ANKRD36: variants seen among roughly 807,000 people sequenced by gnomAD.
The protein encoded by ANKRD36 is ankyrin repeat domain 36.
ANKRD36 carries 179 observed loss-of-function variants against 278.1 expected under a neutral mutation model. The ratio of observed to expected loss-of-function variants is 0.64; its 90% CI spans 0.57 to 0.73. The LOEUF (loss-of-function observed/expected upper bound fraction) is 0.73. ANKRD36 is among the 30% of genes least tolerant of loss of function. ANKRD36 has a pLI of 0.00. For missense variants in ANKRD36, 1,159 were observed against 1,956.7 expected, an observed-to-expected ratio of 0.59 and a Z score of 7.69; for synonymous variants, 320 against 641.1, an observed-to-expected ratio of 0.50 and a Z score of 7.57.
chr2:97,113,708 C>T lies in ANKRD36; in HGVS notation c.-32C>T, dbSNP rs765498151. On this transcript the variant is annotated 5_prime_UTR_variant, in exon 1 of 76. It adds an upstream start codon to the 5' untranslated region. Transcript: ENST00000420699. ...CGATCCCCGAAGGCGAGCTGAAATA[C>T]GGCTGCAGGCTACAATTTGCAGCCG... 3.7e-6 allele frequency: 6 copies of T among 1,610,456 alleles called. No homozygotes were observed. The highest frequency in any genetic ancestry group is 3.3e-4 in the Middle Eastern group (2 of 6,056).
In ANKRD36 at chr2:97,229,668, G is replaced by C. The variant is rs374340171; in HGVS notation, c.3952-4062G>C. ...AGTTAATATTGTTATGTCTGAAATT[G>C]ATCCTGGCATTATGATGTTAGCTAG... is the stretch of plus-strand genomic sequence containing the variant. On this transcript the variant is annotated intron_variant, in intron 67 of 75. Transcript: ENST00000420699. 5.6e-4 allele frequency among the ~76,000 whole-genome samples: 85 copies of C among 152,102 alleles called. 4 individuals carry two copies. The South Asian group carries it at 0.017, about 30-fold the overall frequency.
At chr2:97,182,998 G>C (rs1263813470) in intron 26 of ANKRD36, among the ~76,000 whole-genome samples, 1 of 151,578 alleles carries the variant, frequency 6.6e-6, no homozygotes, top group Non-Finnish European at 1.5e-5. Context: ...TTGTCATTGT[G>C]TACCTCCTCA....
chr2:97,151,321 T>C (rs1052101519), intron 12 of ANKRD36, among the ~76,000 whole-genome samples: 4 of 151,450 alleles, frequency 2.6e-5, no homozygotes, highest in African/African-American at 9.7e-5. Context: ...TGATTGCTTT[T>C]TTCTGTCTTT....
intron 20 of ANKRD36, among the ~76,000 whole-genome samples, chr2:97,165,031 G>A (rs545720412): frequency 2.6e-5 from 4 of 152,208 alleles, no homozygotes; most frequent in Admixed American, 1.3e-4. Flanking sequence ...CAATGATTCT[G>A]AGCTGTTTTG....
chr2:97,124,271 T>C (rs966489280), intron 4 of ANKRD36, among the ~76,000 whole-genome samples, 189 bp from the exon 5 acceptor site: 8 of 152,036 alleles, frequency 5.3e-5, no homozygotes, highest in African/African-American at 1.7e-4. Flanking sequence ...AGGCTTCCTT[T>C]TTGTTCCTTG....
chr2:97,117,250 T>A (rs947697286), intron 1 of ANKRD36, among the ~76,000 whole-genome samples: 1 of 151,358 alleles, frequency 6.6e-6, no homozygotes, highest in Admixed American at 6.6e-5. Flanking sequence ...TTTGGATTAT[T>A]TTTTTTTTTA....
chr2:97,128,876 T>G (rs2039317319), intron 6 of ANKRD36, among the ~76,000 whole-genome samples: 1 of 152,124 alleles, frequency 6.6e-6, no homozygotes, highest in African/African-American at 2.4e-5. Flanking sequence ...CAACATGGAA[T>G]CATAACACAG....
intron 38 of ANKRD36, among the ~76,000 whole-genome samples, chr2:97,194,437 C>T (rs1040027279): frequency 1.3e-5 from 2 of 151,574 alleles, no homozygotes; most frequent in Non-Finnish European, 2.9e-5. Flanking sequence ...TCACATTTGT[C>T]CTCATCACTC....
rs371222811 is a variant in ANKRD36 at position 97,207,560 on chromosome 2, T to C, written c.3164-251T>C. Reference sequence around the variant, plus strand: ...CATATCCACGTTGATATTGACACGGTTTTATTTTAGTTTTTCACATATGAC... The same window carrying C: ...CATATCCACGTTGATATTGACACGGCTTTATTTTAGTTTTTCACATATGAC... On this transcript the variant is annotated intron_variant, in intron 52 of 75. Coordinates refer to ENST00000420699, the MANE Select transcript of ANKRD36 (RefSeq NM_001354587.1). 7.1e-4 allele frequency among the ~76,000 whole-genome samples: 108 copies of C among 151,570 alleles called. No homozygotes were observed. In the East Asian group the frequency reaches 0.013, roughly 18 times the overall value.
chr2:97,178,208 G>A (rs544482838), intron 22 of ANKRD36, among the ~76,000 whole-genome samples: 1 of 151,532 alleles, frequency 6.6e-6, no homozygotes, highest in East Asian at 2.0e-4. Flanking sequence ...GGAGAAATAG[G>A]AACACTTTTA....
chr2:97,203,645 A>G (rs543356990), intron 48 of ANKRD36, among the ~76,000 whole-genome samples: 457 of 151,890 alleles, frequency 3.0e-3, no homozygotes, highest in African/African-American at 0.011. Context: ...GTTAAAGAGC[A>G]TGATGAATGT....
At chr2:97,115,516 C>T (rs2035048377) in intron 1 of ANKRD36, among the ~76,000 whole-genome samples, 1 of 152,016 alleles carries the variant, frequency 6.6e-6, no homozygotes, top group African/African-American at 2.4e-5. Context: ...TTCAAATAAA[C>T]AAGAACTCTC....
intron 67 of ANKRD36, among the ~76,000 whole-genome samples, chr2:97,229,660 C>T (rs1243209649): frequency 1.3e-5 from 2 of 151,922 alleles, no homozygotes; most frequent in African/African-American, 2.4e-5. Context: ...ATTGTTATGT[C>T]TGAAATTGAT....
Position 97,190,403 on chromosome 2 carries a change from A to G in ANKRD36, c.2246-575A>G, listed in dbSNP as rs1279101598. On this transcript the variant is annotated intron_variant, in intron 34 of 75. Coordinates refer to ENST00000420699, the MANE Select transcript of ANKRD36 (RefSeq NM_001354587.1). ...AATTATTACAACACATGGGTGTGAG[A>G]GATAATGAATATTATCTACTAGGTA... 2.9e-5 allele frequency among the ~76,000 whole-genome samples: 4 copies of G among 137,212 alleles called. 1 individual carries two copies. Among genetic ancestry groups the G allele is most frequent in the African/African-American group, 9.8e-5 (4 of 40,670 alleles). The allele number at this position is 137,212 out of a possible 152,430, so 90.0% of individuals were successfully genotyped here.
intron 46 of ANKRD36, among the ~76,000 whole-genome samples, chr2:97,201,896 T>C (rs2061473038): frequency 6.6e-6 from 1 of 151,924 alleles, no homozygotes; most frequent in Non-Finnish European, 1.5e-5. Flanking sequence ...GCTACTCTGA[T>C]TTTAGATCAC....
Position 97,113,859 on chromosome 2 carries a change from C to T in ANKRD36, c.120C>T (p.Val40=). ...ATCTGAAGAGGATCCACAGAGCTGT[C>T]TTACATGGTAATCTAGAGAAACTGA... ...PYHLKRIHRA[V]LHGNLEKLKY... is the part of the protein sequence containing the mutation. Residue 40 remains valine, a synonymous_variant, in exon 1 of 76, where the codon GTC becomes GTT. Coordinates refer to ENST00000420699, the MANE Select transcript of ANKRD36 (RefSeq NM_001354587.1). 3.1e-6 allele frequency: 5 copies of T among 1,613,200 alleles called. No individual in the cohort carries two copies. Among genetic ancestry groups the T allele is most frequent in the South Asian group, 1.1e-5 (1 of 90,954 alleles).
rs1350574586 is a variant in ANKRD36, at chr2:97,185,459, T to C, written c.1990T>C (p.Ser664Pro). The change falls in exon 30 of 76, where the codon TCT (serine) becomes CCT (proline). Residue 664 changes from serine (S) to proline (P), a missense_variant. Ser to Pro is a moderately conservative substitution (Grantham distance 74, BLOSUM62 -1). Transcript: ENST00000420699. ...TCAGGCTACAAGTGACAAGACAGAT[T>C]CTGCTTTGAATATAGCTACAGAAAT... ...ASKATSDKTD[S>P]ALNIATEIKD... The C allele has an allele frequency of 6.2e-7, 1 of 1,610,876 alleles. No individual in the cohort carries two copies. The highest frequency in any genetic ancestry group is 8.5e-7 in the Non-Finnish European group (1 of 1,178,566).
chr2:97,155,933 A>G lies in ANKRD36; in HGVS notation c.1260+1192A>G, dbSNP rs565481424. 5.2e-3 allele frequency among the ~76,000 whole-genome samples: 766 copies of G among 146,478 alleles called. 23 individuals are homozygous for G. Among genetic ancestry groups the G allele is most frequent in the African/African-American group, 0.018 (724 of 41,280 alleles). ...CTGTTACAGGTAACATAATATGCCT[A>G]AGATATCTAATAATTAAATCTATTA... On this transcript the variant is annotated intron_variant, in intron 15 of 75. Transcript: ENST00000420699.
chr2:97,216,183 T>A (rs1355711786), intron 62 of ANKRD36, among the ~76,000 whole-genome samples: 1 of 152,036 alleles, frequency 6.6e-6, no homozygotes, highest in African/African-American at 2.4e-5. Context: ...GCATCAGAGA[T>A]ACATGTTTTG....
Sources: gnomAD v4.1 joint callset for allele counts (sites outside exome capture counted in the v4.1 genomes callset) on GRCh38, gnomAD v4.1.1 for gene constraint, MANE v1.5 for transcripts, NCBI Gene and HGNC (gene_info 2026-07-23, HGNC 2026-07-21) for gene names.